Variants in EYA1 observed in about 807,000 individuals in gnomAD.
EYA1 encodes EYA transcriptional coactivator and phosphatase 1.
EYA1 carries 16 observed loss-of-function variants against 82.0 expected under a neutral mutation model. The observed-to-expected ratio is 0.20, with a 90% confidence interval of 0.13 to 0.30. EYA1 has a LOEUF of 0.30. Among genes scored for constraint, EYA1 ranks in the 10% least tolerant of loss-of-function variants. The pLI is 1.00. For missense variants in EYA1, 633 were observed against 730.7 expected, an observed-to-expected ratio of 0.87 and a Z score of 1.54; for synonymous variants, 261 against 264.4, an observed-to-expected ratio of 0.99 and a Z score of 0.12.
chr8:71,487,662 CA>C (rs2129220668), intron 2 of EYA1, among the ~76,000 whole-genome samples: 1 of 152,052 alleles, frequency 6.6e-6, no homozygotes, highest in Non-Finnish European at 1.5e-5. Flanking sequence ...TTTTAATGGG[CA>C]AAAGAGATGA....
intron 1 of EYA1, among the ~76,000 whole-genome samples, chr8:71,359,635 A>C (rs1383605156): frequency 6.6e-6 from 1 of 152,238 alleles, no homozygotes; most frequent in Non-Finnish European, 1.5e-5. Flanking sequence ...TCTCAGCAGC[A>C]CAGAGCAAAT....
intron 10 of EYA1, among the ~76,000 whole-genome samples, chr8:71,271,025 C>G (rs1258176928): frequency 3.3e-5 from 5 of 152,094 alleles, no homozygotes; most frequent in South Asian, 4.1e-4. Flanking sequence ...GCAGAAGAAT[C>G]GCTTGAACCG....
intron 11 of EYA1, among the ~76,000 whole-genome samples, chr8:71,257,064 C>T (rs1022308232): frequency 1.3e-5 from 2 of 151,916 alleles, no homozygotes. Context: ...AATGATATTA[C>T]AGAATTATTT....
At chr8:71,301,628 G>T (rs888602056) in intron 7 of EYA1, among the ~76,000 whole-genome samples, 3 of 152,118 alleles carry the variant, frequency 2.0e-5, no homozygotes, top group African/African-American at 7.2e-5. Context: ...TTATCACAGA[G>T]ACTCTATTTG....
At chr8:71,499,391 A>G (rs1811653310) in intron 2 of EYA1, among the ~76,000 whole-genome samples, 1 of 152,190 alleles carries the variant, frequency 6.6e-6, no homozygotes, top group African/African-American at 2.4e-5. Context: ...AAGTAGTACA[A>G]TCATCTCTAT....
chr8:71,533,671 C>T (rs563183095), intron 2 of EYA1, among the ~76,000 whole-genome samples: 3 of 152,286 alleles, frequency 2.0e-5, no homozygotes, highest in African/African-American at 7.2e-5. Context: ...TCCCCCACTT[C>T]CTAAAGCAAA....
chr8:71,351,689 C>T (rs993879749), intron 3 of EYA1, among the ~76,000 whole-genome samples: 17 of 152,192 alleles, frequency 1.1e-4, no homozygotes, highest in African/African-American at 4.1e-4. Flanking sequence ...CCTGTGAGTA[C>T]AGAACCTACA....
chr8:71,407,426 G>C (rs888029726), intron 2 of EYA1, among the ~76,000 whole-genome samples: 2 of 148,676 alleles, frequency 1.3e-5, no homozygotes, highest in Non-Finnish European at 3.0e-5. Flanking sequence ...AAATTACTCT[G>C]AGCTACGGGA....
Position 71,354,781 on chromosome 8 carries a change from C to A in EYA1, c.124+1G>T, listed in dbSNP as rs747135294. The A allele has an allele frequency of 3.1e-6, 5 of 1,612,776 alleles. No individual in the cohort carries two copies. The highest frequency in any genetic ancestry group is 1.7e-5 in the Admixed American group (1 of 59,972). On this transcript the variant is annotated splice_donor_variant, in intron 3 of 17. Transcript: ENST00000340726. LOFTEE classifies it high-confidence loss of function. ...TAAATAGTGAGAAGGCAGACACTCA[C>A]CTTCGGTGCCATTGGGAGTCATGGA...
intron 9 of EYA1, among the ~76,000 whole-genome samples, chr8:71,272,792 A>C (rs1283073629): frequency 6.6e-6 from 1 of 152,164 alleles, no homozygotes; most frequent in Non-Finnish European, 1.5e-5. Context: ...GACGTCCAAA[A>C]AGCTGGCTCA....
At chr8:71,315,049 T>G (rs1369597228) in intron 7 of EYA1, among the ~76,000 whole-genome samples, 1 of 152,194 alleles carries the variant, frequency 6.6e-6, no homozygotes, top group East Asian at 1.9e-4. Flanking sequence ...TCCTGCTGCA[T>G]AAGTTTTGAT....
chr8:71,498,785 T>C (rs1382875212), intron 2 of EYA1, among the ~76,000 whole-genome samples: 3 of 152,198 alleles, frequency 2.0e-5, no homozygotes, highest in Non-Finnish European at 4.4e-5. Flanking sequence ...TGGAAAGTCC[T>C]TGAGTGAGTT....
intron 1 of EYA1, among the ~76,000 whole-genome samples, chr8:71,537,485 T>G (rs549250034): frequency 1.4e-4 from 21 of 152,346 alleles, no homozygotes; most frequent in South Asian, 8.3e-4. Flanking sequence ...AGGAGGCACA[T>G]TAACTGTTCC....
At chr8:71,279,917 C>T (rs779090979) in intron 9 of EYA1, among the ~76,000 whole-genome samples, 1 of 152,148 alleles carries the variant, frequency 6.6e-6, no homozygotes, top group Admixed American at 6.5e-5. Context: ...AAGAGTCATA[C>T]AGTAAATATT....
In EYA1 at chr8:71,446,101, A is replaced by G. The variant is rs1435916528; in HGVS notation, c.34-89590T>C. 3.9e-5 allele frequency among the ~76,000 whole-genome samples: 6 copies of G among 152,226 alleles called. No individual in the cohort carries two copies. In the East Asian group the frequency reaches 1.2e-3, roughly 29 times the overall value. On this transcript the variant is annotated intron_variant, in intron 2 of 18. Transcript: ENST00000643681. ...CTTCAGAACTGTATGAAACATTTAAATACATATTTTGCAATATTATTTATT... is the reference window on the plus strand; with the variant it reads ...CTTCAGAACTGTATGAAACATTTAAGTACATATTTTGCAATATTATTTATT...
chr8:71,471,189 C>T lies in EYA1; in HGVS notation c.33+64555G>A, dbSNP rs188245201. Among the ~76,000 whole-genome samples the T allele has an allele frequency of 1.2e-4, 18 of 152,008 alleles. No homozygotes were observed. The East Asian group carries it at 3.5e-3, about 29-fold the overall frequency. Reference sequence around the variant, plus strand: ...AGAAGAGAGTCTGAATTGCCTCTTACTCTGGGGAAAGGGTCAGAATTCAGA... The same window carrying T: ...AGAAGAGAGTCTGAATTGCCTCTTATTCTGGGGAAAGGGTCAGAATTCAGA... On this transcript the variant is annotated intron_variant, in intron 2 of 18. Coordinates refer to the EYA1 transcript ENST00000643681.
chr8:71,507,493 G>A (rs555364838), intron 2 of EYA1, among the ~76,000 whole-genome samples: 20 of 152,222 alleles, frequency 1.3e-4, no homozygotes, highest in South Asian at 4.2e-4. Flanking sequence ...CAACACCTAC[G>A]GGGGGAAATC....
intron 2 of EYA1, among the ~76,000 whole-genome samples, chr8:71,449,837 C>T (rs1361956194): frequency 6.6e-6 from 1 of 152,180 alleles, no homozygotes; most frequent in African/African-American, 2.4e-5. Flanking sequence ...CATCAATGAT[C>T]TTAGCCAGAT....
chr8:71,444,220 A>G (rs1218810661), intron 2 of EYA1, among the ~76,000 whole-genome samples: 1 of 152,240 alleles, frequency 6.6e-6, no homozygotes, highest in Non-Finnish European at 1.5e-5. Flanking sequence ...ACAAGACCCA[A>G]TATTCCTTTC....
Sources: gnomAD v4.1 joint callset for allele counts (sites outside exome capture counted in the v4.1 genomes callset) on GRCh38, gnomAD v4.1.1 for gene constraint, MANE v1.5 for transcripts, NCBI Gene and HGNC (gene_info 2026-07-23, HGNC 2026-07-21) for gene names.